Variants in SLC24A2 observed in about 807,000 individuals in gnomAD.
SLC24A2 encodes solute carrier family 24 member 2.
A neutral mutation model predicts 62.0 loss-of-function variants in SLC24A2; 36 were observed. The observed-to-expected ratio is 0.58, with a 90% CI of 0.44 to 0.77. The LOEUF is 0.77. Ranked by LOEUF, SLC24A2 falls within the 30% of genes least tolerant of loss-of-function variation. The pLI, the probability that SLC24A2 is intolerant of heterozygous loss-of-function variation, is 0.00. For synonymous variants in SLC24A2, 358 were observed against 294.0 expected, an observed-to-expected ratio of 1.22 and a Z score of -2.23; for missense variants, 846 against 817.9, an observed-to-expected ratio of 1.03 and a Z score of -0.42.
chr9:19,564,550 G>A (rs940520438), intron 7 of SLC24A2, among the ~76,000 whole-genome samples: 4 of 65,568 alleles, frequency 6.1e-5, no homozygotes, highest in Admixed American at 2.0e-4. Flanking sequence ...GTATCTATCT[G>A]TCTATCAATC....
At chr9:20,136,092 T>C in the SLC24A2 span, among the ~76,000 whole-genome samples, 1 of 152,188 alleles carries the variant, frequency 6.6e-6, no homozygotes, top group South Asian at 2.1e-4. Context: ...TCTATTATTA[T>C]AGAACAAGTA....
the SLC24A2 span, among the ~76,000 whole-genome samples, chr9:20,163,897 A>C: frequency 0.013 from 2,043 of 152,316 alleles, 20 homozygotes; most frequent in Non-Finnish European, 0.021. Flanking sequence ...TTCCCTATTT[A>C]ATAAATGGTG....
At chr9:19,776,499 T>C (rs765987875) in intron 2 of SLC24A2, among the ~76,000 whole-genome samples, 1 of 152,152 alleles carries the variant, frequency 6.6e-6, no homozygotes, top group Non-Finnish European at 1.5e-5. Flanking sequence ...AGACCAGCAG[T>C]CCAGGGACAC....
At chr9:20,228,754 T>C in the SLC24A2 span, among the ~76,000 whole-genome samples, 2 of 152,102 alleles carry the variant, frequency 1.3e-5, no homozygotes, top group Non-Finnish European at 2.9e-5. Context: ...GCCTTCCTAA[T>C]CCATGTGTAG....
chr9:20,131,041 T>A, the SLC24A2 span, among the ~76,000 whole-genome samples: 2 of 151,540 alleles, frequency 1.3e-5, no homozygotes, highest in Middle Eastern at 3.4e-3. Context: ...AGCCTGAGAT[T>A]TCTTCTATTT....
chr9:19,625,230 C>T (rs1587056139), intron 2 of SLC24A2, among the ~76,000 whole-genome samples: 1 of 152,032 alleles, frequency 6.6e-6, no homozygotes, highest in African/African-American at 2.4e-5. Context: ...CTCATTTGGG[C>T]TGTATTAATA....
At chr9:19,517,378 C>T (rs1832983233) in intron 10 of SLC24A2, among the ~76,000 whole-genome samples, 1 of 152,154 alleles carries the variant, frequency 6.6e-6, no homozygotes, top group Non-Finnish European at 1.5e-5. Flanking sequence ...TTGGCCTAGA[C>T]TCAGGGTGTG....
chr9:20,005,098 A>G, the SLC24A2 span, among the ~76,000 whole-genome samples: 1 of 152,152 alleles, frequency 6.6e-6, no homozygotes, highest in Non-Finnish European at 1.5e-5. Flanking sequence ...TTAACATCAA[A>G]TCCATAGAAA....
At chr9:19,644,831 T>C (rs1368067659) in intron 2 of SLC24A2, among the ~76,000 whole-genome samples, 3 of 152,210 alleles carry the variant, frequency 2.0e-5, no homozygotes, top group African/African-American at 7.2e-5. Flanking sequence ...TTATTAATGC[T>C]ACTTTTTGCA....
the SLC24A2 span, among the ~76,000 whole-genome samples, chr9:20,229,987 G>C: frequency 6.7e-6 from 1 of 149,620 alleles, no homozygotes. Context: ...TGTGGTGTTT[G>C]GTTTTTTGTC....
chr9:20,243,218 A>G, the SLC24A2 span, among the ~76,000 whole-genome samples: 7 of 152,332 alleles, frequency 4.6e-5, no homozygotes, highest in East Asian at 1.4e-3. Flanking sequence ...TAAAAAAATT[A>G]TAAATTAGCA....
chr9:19,543,174 G>C (rs1193067959), intron 8 of SLC24A2, among the ~76,000 whole-genome samples: 1 of 152,116 alleles, frequency 6.6e-6, no homozygotes, highest in Non-Finnish European at 1.5e-5. Flanking sequence ...TATGTGTCCA[G>C]GAATTTATCC....
intron 7 of SLC24A2, 143 bp from the exon 8 acceptor site, chr9:19,550,411 T>C: frequency 1.3e-6 from 1 of 785,850 alleles, no homozygotes; most frequent in Non-Finnish European, 2.1e-6. Context: ...TGTGTGATTT[T>C]GAGATTTGTC....
the SLC24A2 span, among the ~76,000 whole-genome samples, chr9:20,161,279 T>C: frequency 2.0e-5 from 3 of 151,436 alleles, no homozygotes; most frequent in African/African-American, 7.3e-5. Flanking sequence ...GCTCAGGTGC[T>C]TTCATAGAGG....
chr9:19,560,078 C>T (rs569885101), intron 7 of SLC24A2, among the ~76,000 whole-genome samples: 57 of 152,252 alleles, frequency 3.7e-4, no homozygotes, highest in African/African-American at 1.3e-3. Context: ...ACTTCCAAAG[C>T]AAACCCCGAG....
intron 8 of SLC24A2, among the ~76,000 whole-genome samples, chr9:19,531,817 T>C (rs1454556175): frequency 1.3e-5 from 2 of 151,844 alleles, no homozygotes; most frequent in Non-Finnish European, 2.9e-5. Flanking sequence ...ATTTAATCTC[T>C]TTAAGCTTAG....
chr9:19,814,792 G>T, the SLC24A2 span, among the ~76,000 whole-genome samples: 196 of 152,244 alleles, frequency 1.3e-3, 2 homozygotes, highest in African/African-American at 4.5e-3. Flanking sequence ...TTAGCAGCAG[G>T]TTCCTGTCTA....
At chr9:20,103,199 T>C in the SLC24A2 span, among the ~76,000 whole-genome samples, 1 of 152,142 alleles carries the variant, frequency 6.6e-6, no homozygotes, top group Non-Finnish European at 1.5e-5. Context: ...ACTGGGAAGC[T>C]CAAACTGGGT....
the SLC24A2 span, among the ~76,000 whole-genome samples, chr9:20,202,892 G>C: frequency 6.6e-6 from 1 of 152,136 alleles, no homozygotes; most frequent in Non-Finnish European, 1.5e-5. Context: ...ACTTTTTGAA[G>C]TTTATATTCA....
Sources: gnomAD v4.1 joint callset for allele counts (sites outside exome capture counted in the v4.1 genomes callset) on GRCh38, gnomAD v4.1.1 for gene constraint, MANE v1.5 for transcripts, NCBI Gene and HGNC (gene_info 2026-07-23, HGNC 2026-07-21) for gene names.